ECHDC2: variants seen among roughly 807,000 people sequenced by gnomAD.
The protein encoded by ECHDC2 is enoyl-CoA hydratase domain containing 2, also known as enoyl-CoA hydratase domain-containing protein 2, mitochondrial.
In ECHDC2, 34 loss-of-function variants were observed where a neutral mutation model predicts 40.6. The observed-to-expected ratio is 0.84, with a 90% confidence interval of 0.64 to 1.11. The LOEUF (loss-of-function observed/expected upper bound fraction) is 1.11. Among genes scored for constraint, ECHDC2 ranks in the 50% most tolerant of loss-of-function variants. The probability of loss-of-function intolerance (pLI) is 0.00; values close to 1 mark genes in which losing one functional copy is unlikely to be tolerated. For missense variants in ECHDC2, 392 were observed against 400.7 expected, an observed-to-expected ratio of 0.98 and a Z score of 0.19; for synonymous variants, 162 against 166.6, an observed-to-expected ratio of 0.97 and a Z score of 0.21.
intron 1 of ECHDC2, among the ~76,000 whole-genome samples, chr1:52,918,648 ATGTGTT>A (rs1344878085): frequency 2.0e-5 from 3 of 152,252 alleles, no homozygotes; most frequent in Non-Finnish European, 4.4e-5. Flanking sequence ...CAGCCGTACA[ATGTGTT>A]TGTGTTTTAA....
At chr1:52,904,227 G>T (rs1647208843) in intron 7 of ECHDC2, among the ~76,000 whole-genome samples, 1 of 152,242 alleles carries the variant, frequency 6.6e-6, no homozygotes, top group Non-Finnish European at 1.5e-5. Context: ...GGATTTTAAG[G>T]CTGTGCTATA....
chr1:52,905,650 C>CG (rs1647600553), intron 5 of ECHDC2: 1 of 158,442 alleles, frequency 6.3e-6, no homozygotes, highest in Non-Finnish European at 1.4e-5. Context: ...CGCACCCCCC[C>CG]GGGTCTGTCT....
At chr1:52,921,762 G>A (rs1651961183), upstream of ECHDC2, 13 of 1,420,146 alleles carry the variant, frequency 9.2e-6, no homozygotes, top group Non-Finnish European at 1.1e-5. Flanking sequence ...GTCGGGCGAA[G>A]CCTTCGCCAA....
chr1:52,901,770 A>C (rs2150040486), intron 7 of ECHDC2: 1 of 152,314 alleles, frequency 6.6e-6, no homozygotes, highest in South Asian at 2.1e-4. Flanking sequence ...TACTGAAAAT[A>C]TCAGTAATTA....
At chr1:52,921,474 G>A in intron 1 of ECHDC2, 79 bp downstream of exon 1, 1 of 1,506,934 alleles carries the variant, frequency 6.6e-7, no homozygotes, top group Non-Finnish European at 8.8e-7. Flanking sequence ...AACGCACTGA[G>A]CGGCCCACCT....
chr1:52,904,334 T>A (rs557207085), intron 7 of ECHDC2, among the ~76,000 whole-genome samples: 1 of 152,356 alleles, frequency 6.6e-6, no homozygotes, highest in South Asian at 2.1e-4. Context: ...TTAAATCATT[T>A]GGCTAGTGGC....
intron 8 of ECHDC2, chr1:52,898,842 C>T (rs1040696509): frequency 4.8e-6 from 2 of 415,496 alleles, no homozygotes; most frequent in Non-Finnish European, 9.0e-6. Flanking sequence ...TTACTGCCAG[C>T]ACAAATCTTG....
At chr1:52,897,756 T>C (rs1646730672) in intron 8 of ECHDC2, 1 of 554,296 alleles carries the variant, frequency 1.8e-6, no homozygotes, top group South Asian at 2.0e-5. Flanking sequence ...TTCTGAACCT[T>C]TATGACCTGG....
chr1:52,905,388 G>C, intron 5 of ECHDC2: 1 of 482,568 alleles, frequency 2.1e-6, no homozygotes, highest in South Asian at 2.9e-5. Context: ...CTGCTTCAGA[G>C]AGCCGCTAAG....
At chr1:52,910,352 G>GT (rs869088329) in intron 3 of ECHDC2, among the ~76,000 whole-genome samples, 1,034 of 32,080 alleles carry the variant, frequency 0.032, 419 homozygotes, top group Non-Finnish European at 0.046. Context: ...CCACAATTTC[G>GT]TTTTTTTTTT....
Position 52,899,190 on chromosome 1 carries a change from A to G in ECHDC2, c.737T>C (p.Ile246Thr), listed in dbSNP as rs376328788. Residue 246 changes from isoleucine (I) to threonine (T), a missense_variant, in exon 8 of 10, where the codon ATT (isoleucine) becomes ACT (threonine). Ile to Thr is a moderately conservative substitution (Grantham distance 89, BLOSUM62 -1). Coordinates refer to ENST00000371522, the MANE Select transcript of ECHDC2 (RefSeq NM_001198961.2). ...PIAVRLGKVA[I>T]DRGTEVDIAS... ...CCCTCTCACCTCCGTTCCTCGGTCA[A>G]TGGCTACTTTGCCCAGCCGCACGGC... 24 of 1,614,054 alleles carry G rather than the reference A, an allele frequency of 1.5e-5. No homozygotes were observed. The highest frequency in any genetic ancestry group is 1.1e-4 in the East Asian group (5 of 44,884).
Position 52,911,764 on chromosome 1 carries a change from G to C in ECHDC2, c.148C>G (p.Pro50Ala). 6.2e-7 allele frequency: 1 copy of C among 1,614,042 alleles called. No homozygotes were observed. Among genetic ancestry groups the C allele is most frequent in the Non-Finnish European group, 8.5e-7 (1 of 1,179,960 alleles). ...QGITEILMNR[P>A]SARNALGNVF... ...TTCCCCAAGGCATTGCGGGCAGAAG[G>C]TCTGTTCATCAGAATCTCAGTGATC... The change falls in exon 2 of 10, where the codon CCT (proline) becomes GCT (alanine). Residue 50 changes from proline (P) to alanine (A), a missense_variant. Physicochemically the swap from Pro to Ala is conservative, Grantham distance 27. Transcript: ENST00000371522.
chr1:52,921,630 C>T lies in ECHDC2; in HGVS notation c.44G>A (p.Arg15Gln), dbSNP rs200299177. The T allele has an allele frequency of 5.0e-6, 8 of 1,592,878 alleles. No individual in the cohort carries two copies. In the African/African-American group the frequency reaches 6.7e-5, roughly 13 times the overall value. Residue 15 changes from arginine to glutamine, a missense_variant, in exon 1 of 10, where the codon CGG becomes CAG. By Grantham distance (43) the Arg-to-Gln change is conservative (BLOSUM62 1). Transcript: ENST00000371522. ...CCCGTCGGAAGCGCAGCCGCGGGCC[C>T]GAAGGGGCCTCCAGGGGCGCAGGAG... ...LCLLRPWRPL[R>Q]ARGCASDGAA...
chr1:52,906,053 A>G (rs538945656), intron 5 of ECHDC2: 48 of 330,598 alleles, frequency 1.5e-4, no homozygotes, highest in African/African-American at 1.0e-3. Flanking sequence ...ATCCCCTCCC[A>G]TTCTTCAAAC....
intron 1 of ECHDC2, among the ~76,000 whole-genome samples, chr1:52,920,777 A>G (rs564944122): frequency 1.3e-5 from 2 of 152,282 alleles, no homozygotes; most frequent in East Asian, 1.9e-4. Context: ...AACGAAATGT[A>G]CAGTACAATG....
intron 7 of ECHDC2, chr1:52,900,493 T>G (rs1646921092): frequency 6.6e-6 from 1 of 152,278 alleles, no homozygotes; most frequent in South Asian, 2.1e-4. Context: ...TTTTAAAATT[T>G]GTTAGAAACA....
intron 1 of ECHDC2, chr1:52,915,398 G>A: frequency 4.4e-6 from 2 of 454,832 alleles, no homozygotes; most frequent in Non-Finnish European, 8.9e-6. Flanking sequence ...AGGGTGTTCA[G>A]CCAGGAATTA....
chr1:52,920,200 A>C (rs1432602668), intron 1 of ECHDC2, among the ~76,000 whole-genome samples: 2 of 152,172 alleles, frequency 1.3e-5, no homozygotes, highest in Non-Finnish European at 2.9e-5. Flanking sequence ...AGCAATATTA[A>C]CTGTTCAAGG....
chr1:52,904,387 T>TA (rs1433431745), intron 7 of ECHDC2, among the ~76,000 whole-genome samples: 1 of 152,244 alleles, frequency 6.6e-6, no homozygotes, highest in Non-Finnish European at 1.5e-5. Flanking sequence ...TTATCTCATC[T>TA]CAGAATGGTC....
Sources: gnomAD v4.1 joint callset for allele counts (sites outside exome capture counted in the v4.1 genomes callset) on GRCh38, gnomAD v4.1.1 for gene constraint, MANE v1.5 for transcripts, NCBI Gene and HGNC (gene_info 2026-07-23, HGNC 2026-07-21) for gene names.